Variants in MIB1 observed in about 807,000 individuals in gnomAD.
MIB1 encodes the protein E3 ubiquitin-protein ligase MIB1.
A neutral mutation model predicts 124.5 loss-of-function variants in MIB1; 278 were observed. The ratio of observed to expected loss-of-function variants is 2.23; its 90% CI spans 2.02 to 2.47. The LOEUF (loss-of-function observed/expected upper bound fraction) is 2.47, where lower values mean the gene tolerates loss of function less well. Among genes scored for constraint, MIB1 ranks in the 30% most tolerant of loss-of-function variants. The pLI, the probability that MIB1 is intolerant of heterozygous loss-of-function variation, is 0.00. For missense variants in MIB1, 957 were observed against 1,254.4 expected (o/e 0.76, Z 3.58); for synonymous variants, 446 against 429.4 (o/e 1.04, Z -0.48).
At chr18:21,744,809 C>A (rs957167981) in intron 1 of MIB1, among the ~76,000 whole-genome samples, 1 of 152,224 alleles carries the variant, frequency 6.6e-6, no homozygotes, top group Non-Finnish European at 1.5e-5. Flanking sequence ...GTTAACTCGG[C>A]TAGGTCACCA....
At chr18:21,791,009 G>T (rs1050025651) in intron 6 of MIB1, among the ~76,000 whole-genome samples, 1 of 151,784 alleles carries the variant, frequency 6.6e-6, no homozygotes, top group Non-Finnish European at 1.5e-5. Context: ...TTCGAGACCA[G>T]CCAGGCTAAC....
chr18:21,766,852 A>G (rs913134624), intron 2 of MIB1, among the ~76,000 whole-genome samples: 2 of 152,178 alleles, frequency 1.3e-5, no homozygotes, highest in Non-Finnish European at 1.5e-5. Flanking sequence ...CACCCCGGAC[A>G]GCATAGTAAG....
intron 3 of MIB1, among the ~76,000 whole-genome samples, chr18:21,772,739 A>C (rs1289278066): frequency 1.3e-5 from 2 of 151,884 alleles, no homozygotes; most frequent in Non-Finnish European, 2.9e-5. Context: ...TGGGGCTTGG[A>C]GATGTTGTCT....
Position 21,779,532 on chromosome 18 carries a change from TA to T in MIB1, c.758del (p.Asn253IlefsTer2). On this transcript the variant is annotated frameshift_variant, in exon 6 of 21. Coordinates refer to ENST00000261537, the MANE Select transcript of MIB1 (RefSeq NM_020774.4). LOFTEE classifies it high-confidence loss of function. ...GGTGGATTGCAGATTGGTGACCTGG[TA>T]AATATAGATCTCGACCTCGAAATTG... ...NPGGLQIGDL[V>X]NIDLDLEIVQ... 1 of 1,614,162 alleles carries T rather than the reference TA, an allele frequency of 6.2e-7. No homozygotes were observed. Among genetic ancestry groups the T allele is most frequent in the Non-Finnish European group, 8.5e-7 (1 of 1,180,008 alleles).
At chr18:21,743,813 G>A (rs1005526675) in intron 1 of MIB1, among the ~76,000 whole-genome samples, 5 of 152,012 alleles carry the variant, frequency 3.3e-5, no homozygotes, top group East Asian at 1.9e-4. Flanking sequence ...TCTTTACTAC[G>A]GTGATTTTTG....
intron 1 of MIB1, among the ~76,000 whole-genome samples, chr18:21,758,980 GAATA>G (rs1306823173): frequency 2.6e-5 from 4 of 151,918 alleles, no homozygotes; most frequent in South Asian, 2.1e-4. Context: ...GTATACAAGT[GAATA>G]AATGAGTAAT....
chr18:21,808,415 A>G (rs2041732485), intron 10 of MIB1, among the ~76,000 whole-genome samples: 1 of 152,160 alleles, frequency 6.6e-6, no homozygotes, highest in African/African-American at 2.4e-5. Context: ...TGTAGTTTCG[A>G]TAAGAGACTA....
intron 20 of MIB1, 65 bp from the exon 21 acceptor site, chr18:21,864,461 A>AAG: frequency 7.7e-7 from 1 of 1,295,474 alleles, no homozygotes; most frequent in Non-Finnish European, 1.1e-6. Flanking sequence ...TTAATGATAT[A>AAG]TAACAGTCTG....
At chr18:21,739,929 A>C (rs899891578), upstream of MIB1, among the ~76,000 whole-genome samples, 1 of 150,486 alleles carries the variant, frequency 6.6e-6, no homozygotes, top group African/African-American at 2.5e-5. Flanking sequence ...AAAGCAAAAA[A>C]AAAAACAACA....
Position 21,773,624 on chromosome 18 carries a change from G to C in MIB1, c.532G>C (p.Val178Leu), listed in dbSNP as rs1017978166. ...CTTTTCTCAAAAACTATTCTGTTAG[G>C]TAACAGAAATCCAGGACTGGAGTGC... is the stretch of plus-strand genomic sequence containing the variant. The part of the protein sequence containing the change: ...QDGGNGRRGK[V>L]TEIQDWSASS... The change falls in exon 4 of 21, where the codon GTA becomes CTA. Residue 178 changes from valine (V) to leucine (L), a missense_variant and splice_region_variant. Transcript: ENST00000261537. 6.3e-7 allele frequency: 1 copy of C among 1,595,740 alleles called. No individual in the cohort carries two copies. Among genetic ancestry groups the C allele is most frequent in the South Asian group, 1.1e-5 (1 of 87,958 alleles).
Position 21,867,003 on chromosome 18 carries a change from A to G in MIB1, c.*2337A>G, listed in dbSNP as rs560161535. 1 of 152,766 alleles carries G rather than the reference A, an allele frequency of 6.5e-6. No individual in the cohort carries two copies. Among genetic ancestry groups the G allele is most frequent in the South Asian group, 2.1e-4 (1 of 4,830 alleles). The allele number at this position is 152,766 out of a possible 1,614,324, so 9.5% of individuals were successfully genotyped here. A position where few individuals can be genotyped will look rare whatever the true frequency, so the allele number is the denominator to read the frequency against. ...TACCTCTTATTATATGTCCCTTAGC[A>G]GTACTTTTCCAGTTAGGTTCGTTAC... On this transcript the variant is annotated 3_prime_UTR_variant, in exon 21 of 21. Coordinates refer to ENST00000261537, the MANE Select transcript of MIB1 (RefSeq NM_020774.4).
At chr18:21,750,677 T>G (rs886606357) in intron 1 of MIB1, among the ~76,000 whole-genome samples, 2 of 151,746 alleles carry the variant, frequency 1.3e-5, no homozygotes, top group Admixed American at 1.3e-4. Context: ...TTGGCCAGAC[T>G]GGTCTGGAAC....
chr18:21,740,111 A>G (rs2040828059), upstream of MIB1, among the ~76,000 whole-genome samples: 1 of 152,208 alleles, frequency 6.6e-6, no homozygotes, highest in South Asian at 2.1e-4. Context: ...TAACGGTGCC[A>G]ACAGTGCTGG....
chr18:21,867,891 G>A lies in MIB1; in HGVS notation c.*3225G>A, dbSNP rs1237058998. ...ATGAACTAAGAGAATTAGAGATGGG[G>A]TAGAGTAGGATCAGGACAGTGGGGT... is the stretch of plus-strand genomic sequence containing the variant. On this transcript the variant is annotated 3_prime_UTR_variant, in exon 21 of 21. Transcript: ENST00000261537. 5 of 152,366 alleles carry A rather than the reference G, an allele frequency of 3.3e-5. No homozygotes were observed. Among genetic ancestry groups the A allele is most frequent in the African/African-American group, 1.2e-4 (5 of 41,444 alleles). The allele number at this position is 152,366 out of a possible 1,614,324, so 9.4% of individuals were successfully genotyped here. A position where few individuals can be genotyped will look rare whatever the true frequency, so the allele number is the denominator to read the frequency against.
chr18:21,805,366 T>C (rs2041692262), intron 10 of MIB1, among the ~76,000 whole-genome samples: 1 of 152,200 alleles, frequency 6.6e-6, no homozygotes. Flanking sequence ...AATAGTTTTA[T>C]TACTATGATG....
intron 1 of MIB1, among the ~76,000 whole-genome samples, chr18:21,743,930 T>C (rs1354152394): frequency 6.6e-6 from 1 of 152,168 alleles, no homozygotes; most frequent in African/African-American, 2.4e-5. Flanking sequence ...AGTAACTGTT[T>C]TAGAATCTTA....
At chr18:21,761,224 T>TG (rs201360736) in intron 1 of MIB1, among the ~76,000 whole-genome samples, 2 of 140,080 alleles carry the variant, frequency 1.4e-5, no homozygotes, top group Non-Finnish European at 3.2e-5. Context: ...TCACACAAAG[T>TG]GGTTTTTTTT....
chr18:21,829,456 C>T (rs532215753), intron 12 of MIB1: 1 of 153,944 alleles, frequency 6.5e-6, no homozygotes, highest in Non-Finnish European at 1.4e-5. Context: ...CTAGATCCTA[C>T]AGGTAGATAG....
At chr18:21,800,439 C>A (rs2041638696) in intron 9 of MIB1, among the ~76,000 whole-genome samples, 1 of 151,994 alleles carries the variant, frequency 6.6e-6, no homozygotes, top group Non-Finnish European at 1.5e-5. Context: ...TTGACTATTT[C>A]ACAATTTATA....
Sources: gnomAD v4.1 joint callset for allele counts (sites outside exome capture counted in the v4.1 genomes callset) on GRCh38, gnomAD v4.1.1 for gene constraint, MANE v1.5 for transcripts, NCBI Gene and HGNC (gene_info 2026-07-23, HGNC 2026-07-21) for gene names.